Variants in FBXO46 observed in about 807,000 individuals in gnomAD.
FBXO46 encodes F-box only protein 46.
A neutral mutation model predicts 30.7 loss-of-function variants in FBXO46; 13 were observed. The observed-to-expected ratio is 0.42, with a 90% CI of 0.28 to 0.67. The LOEUF is 0.67. Among genes scored for constraint, FBXO46 ranks in the 30% least tolerant of loss-of-function variants. FBXO46 has a pLI of 0.21. For synonymous variants in FBXO46, 467 were observed against 385.8 expected (o/e 1.21, Z -2.47); for missense variants, 754 against 871.5 (o/e 0.87, Z 1.70).
intron 1 of FBXO46, among the ~76,000 whole-genome samples, chr19:45,719,242 G>A (rs938168478): frequency 6.6e-6 from 1 of 151,924 alleles, no homozygotes; most frequent in African/African-American, 2.4e-5. Flanking sequence ...GCACGAGACT[G>A]TCTTAAATTA....
At chr19:45,725,770 A>G (rs1054440949) in intron 1 of FBXO46, among the ~76,000 whole-genome samples, 1 of 152,040 alleles carries the variant, frequency 6.6e-6, no homozygotes, top group African/African-American at 2.4e-5. Context: ...AAACACATGG[A>G]CTACTTAAGG....
intron 1 of FBXO46, among the ~76,000 whole-genome samples, chr19:45,719,724 T>C (rs917829863): frequency 6.6e-6 from 1 of 152,208 alleles, no homozygotes; most frequent in Non-Finnish European, 1.5e-5. Context: ...CTGGCCATTG[T>C]TGGGCGCTGG....
chr19:45,711,761 C>T lies in FBXO46; in HGVS notation c.1735G>A (p.Gly579Ser). 6.3e-7 allele frequency: 1 copy of T among 1,586,648 alleles called. No individual in the cohort carries two copies. The highest frequency in any genetic ancestry group is 2.3e-5 in the East Asian group (1 of 43,802). ...AGCACCCAGTTGTTATCGTGGAGGC[C>T]CAGGCGGCAGCCGGGAGTCTCGCGG... ...ADRETPGCRL[G>S]LHDNNWVLPC... Residue 579 changes from glycine (G) to serine (S), a missense_variant, in exon 2 of 2, where the codon GGC becomes AGC. Transcript: ENST00000317683.
At position 45,711,568 on chromosome 19, in the gene FBXO46, G is replaced by A; in HGVS notation, c.*116C>T. 1.2e-6 allele frequency: 1 copy of A among 827,656 alleles called. No individual in the cohort carries two copies. Among genetic ancestry groups the A allele is most frequent in the Non-Finnish European group, 2.0e-6 (1 of 500,058 alleles). 51.3% of individuals were successfully genotyped at this position (827,656 alleles called of 1,614,324 possible). On this transcript the variant is annotated 3_prime_UTR_variant, in exon 2 of 2. Transcript: ENST00000317683. ...CTGAACCCCAGCTCAGTTCCGGTGA[G>A]GGATCAATGCTGCCTGGAGTAGGGG...
chr19:45,727,755 CAA>C (rs1968258105), intron 1 of FBXO46, among the ~76,000 whole-genome samples: 1 of 152,262 alleles, frequency 6.6e-6, no homozygotes, highest in African/African-American at 2.4e-5. Flanking sequence ...GGTGAATTTA[CAA>C]AGTTGTCAAA....
chr19:45,732,475 C>T (rs1195887033), upstream of FBXO46, among the ~76,000 whole-genome samples: 2 of 115,938 alleles, frequency 1.7e-5, no homozygotes, highest in Non-Finnish European at 3.2e-5. Context: ...GGGAGACTGG[C>T]TTTAGTCCAG....
chr19:45,729,042 G>A (rs558821969), intron 1 of FBXO46, among the ~76,000 whole-genome samples: 62 of 149,594 alleles, frequency 4.1e-4, no homozygotes, highest in Middle Eastern at 3.8e-3. Flanking sequence ...CCCGGGAGGC[G>A]GAGGTTGCGG....
chr19:45,721,621 C>T (rs1318157045), intron 1 of FBXO46, among the ~76,000 whole-genome samples: 2 of 147,172 alleles, frequency 1.4e-5, no homozygotes, highest in Admixed American at 6.9e-5. Flanking sequence ...GGCACGATCT[C>T]GGCTCACTCG....
Position 45,712,208 on chromosome 19 carries a change from T to C in FBXO46, c.1288A>G (p.Thr430Ala), listed in dbSNP as rs1568544298. 1 of 1,605,486 alleles carries C rather than the reference T, an allele frequency of 6.2e-7. No homozygotes were observed. Among genetic ancestry groups the C allele is most frequent in the Non-Finnish European group, 8.5e-7 (1 of 1,177,024 alleles). ...PEPPPADSPA[T>A]APGPDDAEGT... ...TCGGCATCGTCTGGGCCGGGCGCAG[T>C]GGCCGGGGAGTCGGCCGGGGGTGGC... The change falls in exon 2 of 2, where the codon ACT (threonine) becomes GCT (alanine). Residue 430 changes from threonine (T) to alanine (A), a missense_variant. Thr to Ala is a moderately conservative substitution (Grantham distance 58). Coordinates refer to ENST00000317683, the MANE Select transcript of FBXO46 (RefSeq NM_001080469.2). The surrounding 1 kb of genome is among the most constrained non-coding windows in gnomAD (Gnocchi z 8.8).
intron 1 of FBXO46, among the ~76,000 whole-genome samples, chr19:45,726,910 G>C (rs1010837070): frequency 4.6e-5 from 7 of 152,218 alleles, no homozygotes; most frequent in African/African-American, 1.7e-4. Flanking sequence ...CAGTTACCAC[G>C]TCAACTCCTT....
At chr19:45,729,086 A>C (rs1340559951) in intron 1 of FBXO46, among the ~76,000 whole-genome samples, 2 of 151,686 alleles carry the variant, frequency 1.3e-5, no homozygotes, top group Admixed American at 1.3e-4. Context: ...GGGCAACAAG[A>C]GCGAAACTCC....
Position 45,712,929 on chromosome 19 carries a change from G to C in FBXO46, c.567C>G (p.Ser189Arg), listed in dbSNP as rs1391428149. 1 of 1,603,928 alleles carries C rather than the reference G, an allele frequency of 6.2e-7. No homozygotes were observed. The highest frequency in any genetic ancestry group is 8.5e-7 in the Non-Finnish European group (1 of 1,175,790). ...VEQRAALALQ[S>R]YPRPTTPAPV... ...GCGCTGGGGTGGTCGGTCGTGGGTA[G>C]CTCTGCAGGGCCAGGGCTGCCCGCT... Residue 189 changes from serine (S) to arginine (R), a missense_variant, in exon 2 of 2, where the codon AGC becomes AGG. Physicochemically the swap from Ser to Arg is moderately radical, Grantham distance 110. This residue lies in a region of FBXO46 where 454 missense variants were observed against 426.5 expected (regional missense o/e 1.06). Transcript: ENST00000317683. This position sits in a 1 kb window ranked among gnomAD's most constrained non-coding sequence, Gnocchi z 8.8.
chr19:45,720,500 C>T (rs1342949404), intron 1 of FBXO46, among the ~76,000 whole-genome samples: 2 of 152,168 alleles, frequency 1.3e-5, no homozygotes, highest in South Asian at 2.1e-4. Flanking sequence ...AACTCCTTAC[C>T]TCAAGTGATC....
At chr19:45,728,698 G>A (rs1359962607) in intron 1 of FBXO46, among the ~76,000 whole-genome samples, 2 of 152,032 alleles carry the variant, frequency 1.3e-5, no homozygotes, top group African/African-American at 2.4e-5. Flanking sequence ...AAAATTAGCC[G>A]TGTGTAATAA....
Position 45,712,631 on chromosome 19 carries a change from C to G in FBXO46, c.865G>C (p.Ala289Pro). 1 of 1,602,026 alleles carries G rather than the reference C, an allele frequency of 6.2e-7. No individual in the cohort carries two copies. The highest frequency in any genetic ancestry group is 8.5e-7 in the Non-Finnish European group (1 of 1,174,064). Reference protein sequence around the residue: ...PSGGGGRPGCAYPGSPGPGAR... With the variant: ...PSGGGGRPGCPYPGSPGPGAR... The stretch of plus-strand genomic sequence containing the variant: ...CCAGGACCTGGGCTGCCAGGGTAGG[C>G]ACAACCAGGCCTGCCCCCGCCCCCA... Residue 289 changes from alanine to proline, a missense_variant, in exon 2 of 2, where the codon GCC becomes CCC. Transcript: ENST00000317683. The surrounding 1 kb of genome is among the most constrained non-coding windows in gnomAD (Gnocchi z 8.8).
chr19:45,719,613 C>T (rs1206289069), intron 1 of FBXO46, among the ~76,000 whole-genome samples: 2 of 152,142 alleles, frequency 1.3e-5, no homozygotes, highest in Non-Finnish European at 2.9e-5. Flanking sequence ...GGTTGAATGC[C>T]CCCAACAATT....
At chr19:45,727,263 G>GA (rs60110826) in intron 1 of FBXO46, among the ~76,000 whole-genome samples, 24 of 146,984 alleles carry the variant, frequency 1.6e-4, no homozygotes, top group Admixed American at 3.4e-4. Flanking sequence ...CAAAAAAAAA[G>GA]AAAAAAAAAA....
intron 1 of FBXO46, among the ~76,000 whole-genome samples, chr19:45,727,947 CT>C (rs934679376): frequency 6.6e-6 from 1 of 151,550 alleles, no homozygotes; most frequent in Non-Finnish European, 1.5e-5. Context: ...TTTCCTTGTT[CT>C]TTTTTTTTGA....
chr19:45,712,319 C>G lies in FBXO46; in HGVS notation c.1177G>C (p.Val393Leu). ...TCCTCCGGGCTGACCGTCAGGCACA[C>G]AGTCTCCTCCTTCACGTTCTTGGTG... is the stretch of plus-strand genomic sequence containing the variant. ...DGTKNVKEET[V>L]CLTVSPEEPP... The change falls in exon 2 of 2, where the codon GTG becomes CTG. Residue 393 changes from valine to leucine, a missense_variant. By Grantham distance (32) the Val-to-Leu change is conservative (BLOSUM62 1). Transcript: ENST00000317683. The surrounding 1 kb of genome is among the most constrained non-coding windows in gnomAD (Gnocchi z 8.8). 6.2e-7 allele frequency: 1 copy of G among 1,601,728 alleles called. No individual in the cohort carries two copies. Among genetic ancestry groups the G allele is most frequent in the Non-Finnish European group, 8.5e-7 (1 of 1,179,644 alleles).
Sources: gnomAD v4.1 joint callset for allele counts (sites outside exome capture counted in the v4.1 genomes callset) on GRCh38, gnomAD v4.1.1 for gene constraint, gnomAD v4.1.1 regional missense constraint, Gnocchi (gnomAD v3.1) non-coding constraint, MANE v1.5 for transcripts, NCBI Gene and HGNC (gene_info 2026-07-23, HGNC 2026-07-21) for gene names.